Variants in CNTFR observed in about 807,000 individuals in gnomAD.
CNTFR encodes the protein ciliary neurotrophic factor receptor.
Under a neutral mutation model 40.4 loss-of-function variants are expected in CNTFR, and 12 were observed. The observed-to-expected ratio is 0.30, with a 90% CI of 0.19 to 0.48. CNTFR has a LOEUF of 0.48. Ranked by LOEUF, CNTFR falls within the 20% of genes least tolerant of loss-of-function variation. The probability of loss-of-function intolerance (pLI) is 0.99; values close to 1 mark genes in which losing one functional copy is unlikely to be tolerated. For synonymous variants in CNTFR, 202 were observed against 209.6 expected (o/e 0.96, Z 0.31); for missense variants, 414 against 506.8 (o/e 0.82, Z 1.76).
chr9:34,566,181 CTTTGCTCTGCACTGGAACATCTGTCCCGG>C (rs1438011482), intron 3 of CNTFR, among the ~76,000 whole-genome samples: 1 of 152,112 alleles, frequency 6.6e-6, no homozygotes, highest in Non-Finnish European at 1.5e-5. Context: ...CTCAGCCCTG[CTTTGCTCTGCACTGGAACATCTGTCCCGG>C]TTTGCTGCCT....
chr9:34,578,998 C>T (rs1373338380), intron 2 of CNTFR, among the ~76,000 whole-genome samples: 4 of 152,214 alleles, frequency 2.6e-5, no homozygotes, highest in East Asian at 1.9e-4. Flanking sequence ...CAGAGGGTGA[C>T]GGACAGGTTG....
At chr9:34,564,084 C>A (rs571850512) in intron 4 of CNTFR, among the ~76,000 whole-genome samples, 1 of 152,288 alleles carries the variant, frequency 6.6e-6, no homozygotes, top group South Asian at 2.1e-4. Context: ...AATGCGTCTT[C>A]TAAATCACCG....
intron 2 of CNTFR, chr9:34,571,359 C>T (rs1826626104): frequency 6.6e-6 from 1 of 152,422 alleles, no homozygotes; most frequent in African/African-American, 2.4e-5. Context: ...CAGGAAGATC[C>T]TCCGCCTCAG....
At position 34,556,393 on chromosome 9, in the gene CNTFR, C is replaced by T. The variant is rs147453071; in HGVS notation, c.630G>A (p.Val210=). 28 of 1,612,088 alleles carry T rather than the reference C, an allele frequency of 1.7e-5. No individual in the cohort carries two copies. In the African/African-American group the frequency reaches 2.7e-4, roughly 15 times the overall value. The part of the protein sequence containing the change: ...TIVKPDPPEN[V]VARPVPSNPR... ...GGTTGCTGGGCACTGGCCGGGCTAC[C>T]ACATTTTCTGGAGGATCAGGCTTCA... Residue 210 remains valine (V), a synonymous_variant, in exon 7 of 10, where the codon GTG becomes GTA. Coordinates refer to ENST00000378980, the MANE Select transcript of CNTFR (RefSeq NM_147164.3).
chr9:34,559,390 G>A (rs1218314874), intron 4 of CNTFR, among the ~76,000 whole-genome samples: 1 of 152,218 alleles, frequency 6.6e-6, no homozygotes, highest in Admixed American at 6.5e-5. Flanking sequence ...CAGGGCACCA[G>A]GTGGAGGGTG....
intron 2 of CNTFR, among the ~76,000 whole-genome samples, chr9:34,572,160 C>A (rs981327071): frequency 2.0e-5 from 3 of 151,392 alleles, no homozygotes; most frequent in African/African-American, 7.3e-5. Flanking sequence ...CCCATCTCTG[C>A]CCCTGCCCCT....
intron 4 of CNTFR, among the ~76,000 whole-genome samples, chr9:34,561,774 A>C (rs771521907): frequency 1.3e-4 from 20 of 152,244 alleles, no homozygotes; most frequent in Non-Finnish European, 1.9e-4. Context: ...GTGTTGCCAA[A>C]GCCAGTCTCT....
Position 34,564,692 on chromosome 9 carries a change from G to A in CNTFR, c.226C>T (p.Leu76Phe). 6.2e-7 allele frequency: 1 copy of A among 1,614,070 alleles called. No individual in the cohort carries two copies. ...CTGTGGCCCAGTTCCAGGCCATGGA[G>A]CACCAGCTGAGAGCCGTTGAGCAGG... The part of the protein sequence containing the change: ...PDLLNGSQLV[L>F]HGLELGHSGL... The change falls in exon 4 of 10, where the codon CTC becomes TTC. Residue 76 changes from leucine (L) to phenylalanine (F), a missense_variant. Coordinates refer to ENST00000378980, the MANE Select transcript of CNTFR (RefSeq NM_147164.3).
At chr9:34,588,725 A>T (rs1827647708) in intron 1 of CNTFR, among the ~76,000 whole-genome samples, 1 of 152,210 alleles carries the variant, frequency 6.6e-6, no homozygotes, top group Non-Finnish European at 1.5e-5. Context: ...CGAGCAAGCG[A>T]GCGAGCTAAC....
chr9:34,552,142 C>T lies in CNTFR; in HGVS notation c.1118+19G>A, dbSNP rs1462035273. ...GGTTCCCTCAGGCTCCCTCTGCCAC[C>T]CAGCCTCACTCAACCTACCAGATCA... On this transcript the variant is annotated intron_variant, in intron 9 of 9. Coordinates refer to ENST00000378980, the MANE Select transcript of CNTFR (RefSeq NM_147164.3). This position sits in a 1 kb window ranked among gnomAD's most constrained non-coding sequence, Gnocchi z 5.1. 2 of 1,592,680 alleles carry T rather than the reference C, an allele frequency of 1.3e-6. No homozygotes were observed. The highest frequency in any genetic ancestry group is 1.3e-5 in the African/African-American group (1 of 74,738).
intron 3 of CNTFR, chr9:34,568,225 G>C (rs1826397793): frequency 6.6e-6 from 1 of 152,266 alleles, no homozygotes; most frequent in African/African-American, 2.4e-5. Context: ...GCAGTAGAGG[G>C]GCAGGTGGCC....
chr9:34,585,996 G>A (rs1489982285), intron 1 of CNTFR, among the ~76,000 whole-genome samples: 4 of 152,212 alleles, frequency 2.6e-5, no homozygotes, highest in African/African-American at 9.6e-5. Context: ...GAGAGCGTGT[G>A]TCCCCTTCAG....
intron 3 of CNTFR, among the ~76,000 whole-genome samples, chr9:34,566,200 A>G (rs755426146): frequency 6.6e-6 from 1 of 151,604 alleles, no homozygotes; most frequent in Non-Finnish European, 1.5e-5. Flanking sequence ...GCACTGGAAC[A>G]TCTGTCCCGG....
chr9:34,563,391 C>T (rs774567901), intron 4 of CNTFR, among the ~76,000 whole-genome samples: 1 of 152,234 alleles, frequency 6.6e-6, no homozygotes, highest in African/African-American at 2.4e-5. Context: ...TCCCAGCTCC[C>T]TCACCCTCAG....
At position 34,589,260 on chromosome 9, in the gene CNTFR, T is replaced by TGGGGAGAACAGGGAC. The variant is rs1341685116; in HGVS notation, c.-112+280_-112+294dup. Among the ~76,000 whole-genome samples the TGGGGAGAACAGGGAC allele has an allele frequency of 1.3e-5, 2 of 151,124 alleles. No homozygotes were observed. Among genetic ancestry groups the TGGGGAGAACAGGGAC allele is most frequent in the African/African-American group, 4.9e-5 (2 of 40,988 alleles). On this transcript the variant is annotated intron_variant, in intron 1 of 9. Transcript: ENST00000378980. The surrounding 1 kb of genome is among the most constrained non-coding windows in gnomAD (Gnocchi z 4.4). Reference sequence around the variant, plus strand: ...AGACCCCGCGCGTGCAGCTGAGGGGTGGGGAGAACAGGGACACTAGGACAA... The same window carrying TGGGGAGAACAGGGAC: ...AGACCCCGCGCGTGCAGCTGAGGGGTGGGGAGAACAGGGACGGGGAGAACAGGGACACTAGGACAA...
chr9:34,579,553 C>T (rs1185696886), intron 2 of CNTFR, among the ~76,000 whole-genome samples: 2 of 151,524 alleles, frequency 1.3e-5, no homozygotes, highest in Non-Finnish European at 2.9e-5. Context: ...ACACTGAGGG[C>T]GAGGCTCCCA....
intron 2 of CNTFR, among the ~76,000 whole-genome samples, chr9:34,575,667 A>ACACCCACCCACC (rs1224936231): frequency 6.8e-6 from 1 of 147,640 alleles, no homozygotes; most frequent in African/African-American, 2.5e-5. Context: ...GCTCACACAC[A>ACACCCACCCACC]CACCCACCCA....
At chr9:34,572,483 G>A (rs1223747750) in intron 2 of CNTFR, among the ~76,000 whole-genome samples, 2 of 152,168 alleles carry the variant, frequency 1.3e-5, no homozygotes, top group South Asian at 2.1e-4. Flanking sequence ...GTCAGCCCCA[G>A]AATGAGGAGG....
intron 2 of CNTFR, among the ~76,000 whole-genome samples, chr9:34,577,102 C>T (rs1011042970): frequency 3.3e-5 from 5 of 152,344 alleles, no homozygotes; most frequent in Non-Finnish European, 7.4e-5. Context: ...GAGGAGAGTC[C>T]TAAGGTGTCC....
Sources: allele counts gnomAD v4.1 joint callset (sites outside exome capture counted in the v4.1 genomes callset), GRCh38; gene constraint gnomAD v4.1.1; non-coding constraint Gnocchi (gnomAD v3.1); transcripts MANE v1.5; gene names NCBI Gene and HGNC (gene_info 2026-07-23, HGNC 2026-07-21).